GALNT3: variants seen among roughly 807,000 people sequenced by gnomAD.
GALNT3 encodes polypeptide N-acetylgalactosaminyltransferase 3, also known as GalNAc transferase 3.
GALNT3 carries 51 observed loss-of-function variants against 69.8 expected under a neutral mutation model. That is an observed-to-expected ratio of 0.73 (90% confidence interval 0.58 to 0.92). The LOEUF (loss-of-function observed/expected upper bound fraction) is 0.92. Ranked by LOEUF, GALNT3 falls within the 40% of genes least tolerant of loss-of-function variation. The pLI is 0.00. For synonymous variants in GALNT3, 265 were observed against 248.5 expected, an observed-to-expected ratio of 1.07 and a Z score of -0.63; for missense variants, 711 against 760.0, an observed-to-expected ratio of 0.94 and a Z score of 0.76.
chr2:165,792,845 C>A (rs1574022790), intron 1 of GALNT3, among the ~76,000 whole-genome samples: 1 of 151,798 alleles, frequency 6.6e-6, no homozygotes, highest in South Asian at 2.1e-4. Context: ...TAGCCACAAA[C>A]GCAAAGAAAA....
chr2:165,781,807 CGAT>C (rs749037330), intron 1 of GALNT3, among the ~76,000 whole-genome samples: 1 of 151,968 alleles, frequency 6.6e-6, no homozygotes, highest in African/African-American at 2.4e-5. Flanking sequence ...TGAAATGTTA[CGAT>C]GATTAAGATT....
At chr2:165,792,040 C>T (rs1683365752) in intron 1 of GALNT3, among the ~76,000 whole-genome samples, 1 of 152,176 alleles carries the variant, frequency 6.6e-6, no homozygotes, top group African/African-American at 2.4e-5. Flanking sequence ...AGTCATGAGT[C>T]AAGCCACTGG....
chr2:165,750,601 AATTTCTGTTCCT>A (rs1374148553), intron 9 of GALNT3, among the ~76,000 whole-genome samples: 1 of 152,098 alleles, frequency 6.6e-6, no homozygotes, highest in African/African-American at 2.4e-5. Flanking sequence ...AGCTACTTCC[AATTTCTGTTCCT>A]ATCATCCAGC....
chr2:165,766,489 A>G (rs1256659486), intron 2 of GALNT3, among the ~76,000 whole-genome samples: 1 of 152,192 alleles, frequency 6.6e-6, no homozygotes, highest in African/African-American at 2.4e-5. Context: ...GAGGCTAGAG[A>G]TGTAGAGATA....
intron 1 of GALNT3, among the ~76,000 whole-genome samples, chr2:165,793,048 CAG>C (rs1247123047): frequency 6.6e-6 from 1 of 152,052 alleles, no homozygotes; most frequent in African/African-American, 2.4e-5. Context: ...GTTCTTAAAA[CAG>C]AAATAGTTTC....
Position 165,770,757 on chromosome 2 carries a change from T to TA in GALNT3, c.-58dup. 6.4e-7 allele frequency: 1 copy of TA among 1,562,520 alleles called. No individual in the cohort carries two copies. The highest frequency in any genetic ancestry group is 8.7e-7 in the Non-Finnish European group (1 of 1,155,172). On this transcript the variant is annotated 5_prime_UTR_variant, in exon 2 of 11. An upstream open reading frame in the 5' UTR gains an earlier in-frame stop. Coordinates refer to ENST00000392701, the MANE Select transcript of GALNT3 (RefSeq NM_004482.4). ...AACAGTTATTTCTTCTTCTGTTACT[T>TA]ATATTTTTTATCATAGATTTGCTGA... is the stretch of plus-strand genomic sequence containing the variant.
chr2:165,786,207 TATAAGC>T (rs1559008068), intron 1 of GALNT3, among the ~76,000 whole-genome samples: 1 of 152,180 alleles, frequency 6.6e-6, no homozygotes, highest in Non-Finnish European at 1.5e-5. Context: ...GAAACAGCAG[TATAAGC>T]ATATTATTTG....
chr2:165,790,491 C>A (rs952368819), intron 1 of GALNT3, among the ~76,000 whole-genome samples: 2 of 152,040 alleles, frequency 1.3e-5, no homozygotes, highest in African/African-American at 4.8e-5. Flanking sequence ...AAACACCTTC[C>A]TTTTCAATAG....
intron 5 of GALNT3, 44 bp downstream of exon 5, chr2:165,759,292 T>C (rs748434732): frequency 1.4e-6 from 2 of 1,446,318 alleles, no homozygotes; most frequent in African/African-American, 2.8e-5. Flanking sequence ...ATTCAATGTA[T>C]GGTATAGGGT....
chr2:165,792,751 A>G (rs977267622), intron 1 of GALNT3, among the ~76,000 whole-genome samples: 3 of 152,196 alleles, frequency 2.0e-5, no homozygotes, highest in Non-Finnish European at 4.4e-5. Context: ...GGAAAGTTTA[A>G]CATGTGCACT....
chr2:165,749,642 G>A (rs1271985114), intron 10 of GALNT3, 100 bp downstream of exon 10: 1 of 1,034,126 alleles, frequency 9.7e-7, no homozygotes, highest in African/African-American at 1.6e-5. Flanking sequence ...GAGAAATTCT[G>A]ATAGATAATA....
intron 1 of GALNT3, among the ~76,000 whole-genome samples, chr2:165,788,505 GTA>G (rs60222978): frequency 1.6e-4 from 23 of 147,794 alleles, no homozygotes; most frequent in Non-Finnish European, 2.4e-4. Context: ...GTGTGTGTGT[GTA>G]TACAGACAAG....
At chr2:165,753,350 CTCT>C (rs906561624) in intron 9 of GALNT3, among the ~76,000 whole-genome samples, 1 of 152,076 alleles carries the variant, frequency 6.6e-6, no homozygotes, top group African/African-American at 2.4e-5. Context: ...TTCCTTCACA[CTCT>C]TCTTATTCTG....
rs6756351 is a variant in GALNT3 at position 165,789,103 on chromosome 2, G to T, written c.-109+4912C>A. 7.8e-3 allele frequency among the ~76,000 whole-genome samples: 1,186 copies of T among 152,280 alleles called. 38 individuals carry two copies. The highest frequency in any genetic ancestry group is 0.061 in the Admixed American group (933 of 15,302). Reference sequence around the variant, plus strand: ...GTATAAAATGTTAAGTGGATTCAGTGTTCTAATGGTTGTTGTCTTAGTTCA... The same window carrying T: ...GTATAAAATGTTAAGTGGATTCAGTTTTCTAATGGTTGTTGTCTTAGTTCA... On this transcript the variant is annotated intron_variant, in intron 1 of 10. Transcript: ENST00000392701.
At chr2:165,783,736 C>T (rs1014500929) in intron 1 of GALNT3, among the ~76,000 whole-genome samples, 1 of 152,102 alleles carries the variant, frequency 6.6e-6, no homozygotes, top group Non-Finnish European at 1.5e-5. Context: ...GGTCTAAGAA[C>T]TATAGTTTAC....
At chr2:165,765,833 T>C (rs1184434939) in intron 2 of GALNT3, among the ~76,000 whole-genome samples, 1 of 152,214 alleles carries the variant, frequency 6.6e-6, no homozygotes, top group Admixed American at 6.5e-5. Context: ...GATATTTACC[T>C]AAGTATGTAA....
intron 1 of GALNT3, among the ~76,000 whole-genome samples, chr2:165,779,396 T>C (rs1683052873): frequency 6.6e-6 from 1 of 152,200 alleles, no homozygotes; most frequent in Non-Finnish European, 1.5e-5. Flanking sequence ...AGCTTCCACA[T>C]GCACCCTCTC....
chr2:165,753,215 C>T (rs960089819), intron 9 of GALNT3, among the ~76,000 whole-genome samples: 11 of 152,112 alleles, frequency 7.2e-5, no homozygotes, highest in African/African-American at 2.7e-4. Flanking sequence ...AAAGTTTCGT[C>T]CCATTAAAAT....
intron 3 of GALNT3, among the ~76,000 whole-genome samples, chr2:165,762,761 A>G (rs570542670): frequency 6.6e-6 from 1 of 152,326 alleles, no homozygotes; most frequent in East Asian, 1.9e-4. Context: ...AGGTTTTAAA[A>G]AAGTTATTAA....
Sources: allele counts gnomAD v4.1 joint callset (sites outside exome capture counted in the v4.1 genomes callset), GRCh38; gene constraint gnomAD v4.1.1; transcripts MANE v1.5; gene names NCBI Gene and HGNC (gene_info 2026-07-23, HGNC 2026-07-21).